The following TFG variants were observed in gnomAD, a reference collection of about 807,000 sequenced individuals.
TFG encodes the protein protein TFG.
Under a neutral mutation model 51.4 loss-of-function variants are expected in TFG, and 22 were observed. The observed-to-expected ratio is 0.43, with a 90% CI of 0.31 to 0.61. The LOEUF (loss-of-function observed/expected upper bound fraction) is 0.61. Ranked by LOEUF, TFG falls within the 20% of genes least tolerant of loss-of-function variation. The probability of loss-of-function intolerance (pLI) is 0.12; values close to 1 mark genes in which losing one functional copy is unlikely to be tolerated. For missense variants in TFG, 419 were observed against 487.7 expected (o/e 0.86, Z 1.33); for synonymous variants, 187 against 165.6 (o/e 1.13, Z -0.99).
intron 7 of TFG, among the ~76,000 whole-genome samples, chr3:100,745,286 T>A (rs996370420): frequency 1.3e-5 from 2 of 152,196 alleles, no homozygotes; most frequent in Non-Finnish European, 2.9e-5. Flanking sequence ...TAACACGTAA[T>A]TCCAGTGTAC....
chr3:100,718,903 G>C (rs1268291881), intron 2 of TFG, among the ~76,000 whole-genome samples: 5 of 152,138 alleles, frequency 3.3e-5, no homozygotes, highest in Non-Finnish European at 7.4e-5. Context: ...GATTCTGTTA[G>C]TAGAGTGGAG....
At chr3:100,728,277 ATTATT>A (rs1183771355) in intron 3 of TFG, among the ~76,000 whole-genome samples, 8 of 151,912 alleles carry the variant, frequency 5.3e-5, no homozygotes, top group Non-Finnish European at 1.2e-4. Context: ...GTATTTTTGT[ATTATT>A]TTAAGAATAG....
Position 100,719,980 on chromosome 3 carries a change from G to T in TFG, c.190G>T (p.Asp64Tyr). 1 of 1,536,986 alleles carries T rather than the reference G, an allele frequency of 6.5e-7. No individual in the cohort carries two copies. ...VTIKYKDEDG[D>Y]LITIFDSSDL... ...TTTTTTTTTTTAAATTCCAGATGGA[G>T]ATCTTATAACAATTTTTGATAGTTC... The change falls in exon 3 of 8, where the codon GAT (aspartate) becomes TAT (tyrosine). Residue 64 changes from aspartate to tyrosine, a missense_variant. Around this residue, in one of 3 missense-constraint regions of TFG, gnomAD observed 391 missense variants for 434.4 expected, o/e 0.90. Coordinates refer to ENST00000240851, the MANE Select transcript of TFG (RefSeq NM_006070.6).
chr3:100,747,078 A>G (rs2095136814), intron 7 of TFG, among the ~76,000 whole-genome samples: 1 of 152,180 alleles, frequency 6.6e-6, no homozygotes, highest in Non-Finnish European at 1.5e-5. Context: ...GTCTTTTCAA[A>G]TTATTATCTT....
At chr3:100,717,378 ACTGT>A (rs1396132298) in intron 2 of TFG, among the ~76,000 whole-genome samples, 2 of 151,952 alleles carry the variant, frequency 1.3e-5, no homozygotes, top group South Asian at 2.1e-4. Flanking sequence ...TATTGCTTTG[ACTGT>A]CTGGGGTTGT....
At chr3:100,717,001 CTT>C (rs1285618170) in intron 2 of TFG, among the ~76,000 whole-genome samples, 3 of 152,102 alleles carry the variant, frequency 2.0e-5, no homozygotes, top group Admixed American at 1.3e-4. Flanking sequence ...TCTTTTCACT[CTT>C]GATTGTTTCC....
intron 6 of TFG, among the ~76,000 whole-genome samples, chr3:100,737,915 C>T (rs1198552740): frequency 6.6e-6 from 1 of 152,072 alleles, no homozygotes; most frequent in African/African-American, 2.4e-5. Flanking sequence ...AAAAATTAGC[C>T]AGGTGCTATG....
At chr3:100,741,222 T>A (rs1049817529) in intron 6 of TFG, among the ~76,000 whole-genome samples, 9 of 152,142 alleles carry the variant, frequency 5.9e-5, no homozygotes, top group African/African-American at 2.2e-4. Context: ...CAGAAGGTAT[T>A]CCGGAAGAAG....
In TFG at chr3:100,720,078, A is replaced by T. The variant is rs755835566; in HGVS notation, c.268+20A>T. On this transcript the variant is annotated intron_variant, in intron 3 of 7. Transcript: ENST00000240851. ...TATTTGGTGAGTAGTAAACTTTCTA[A>T]TGAATTTACTATTTTATTCATTGTA... is the stretch of plus-strand genomic sequence containing the variant. 1.6e-5 allele frequency: 22 copies of T among 1,410,288 alleles called. No homozygotes were observed. Among genetic ancestry groups the T allele is most frequent in the Non-Finnish European group, 2.0e-5 (21 of 1,033,370 alleles). The allele number at this position is 1,410,288 out of a possible 1,614,324, so 87.4% of individuals were successfully genotyped here. A position where few individuals can be genotyped will look rare whatever the true frequency, so the allele number is the denominator to read the frequency against.
intron 2 of TFG, 57 bp downstream of exon 2, chr3:100,713,926 AC>A: frequency 8.8e-7 from 1 of 1,140,044 alleles, no homozygotes; most frequent in Non-Finnish European, 1.2e-6. Context: ...AAAAAAAAAG[AC>A]AGAGCCTCTG....
intron 7 of TFG, among the ~76,000 whole-genome samples, chr3:100,747,769 G>A (rs931225698): frequency 6.6e-6 from 1 of 152,088 alleles, no homozygotes; most frequent in Non-Finnish European, 1.5e-5. Context: ...TTCATTCTCC[G>A]CAATGTGTTT....
At chr3:100,721,728 A>C (rs1020900462) in intron 3 of TFG, among the ~76,000 whole-genome samples, 2 of 152,246 alleles carry the variant, frequency 1.3e-5, no homozygotes, top group Admixed American at 1.3e-4. Flanking sequence ...CGTAAGACAC[A>C]TGAAGCTGTC....
chr3:100,712,806 A>C (rs2095034742), intron 1 of TFG, among the ~76,000 whole-genome samples: 1 of 152,224 alleles, frequency 6.6e-6, no homozygotes, highest in Non-Finnish European at 1.5e-5. Flanking sequence ...AGCCATTTTA[A>C]ATTAGATGGT....
At position 100,725,923 on chromosome 3, in the gene TFG, G is replaced by A. The variant is rs77872365; in HGVS notation, c.269-2789G>A. Reference sequence around the variant, plus strand: ...CACTAATGAAGATACATTATTATGTGTGCTAGGGTTCTCCAGAGGGATGGA... The same window carrying A: ...CACTAATGAAGATACATTATTATGTATGCTAGGGTTCTCCAGAGGGATGGA... On this transcript the variant is annotated intron_variant, in intron 3 of 7. Coordinates refer to ENST00000240851, the MANE Select transcript of TFG (RefSeq NM_006070.6). 3.5e-4 allele frequency among the ~76,000 whole-genome samples: 54 copies of A among 152,330 alleles called. No individual in the cohort carries two copies. In the East Asian group the frequency reaches 9.6e-3, roughly 27 times the overall value.
intron 5 of TFG, among the ~76,000 whole-genome samples, chr3:100,734,924 C>T (rs1489533667): frequency 6.6e-6 from 1 of 152,030 alleles, no homozygotes; most frequent in African/African-American, 2.4e-5. Flanking sequence ...TTTTGTAGTT[C>T]TTCAGGTGTG....
rs114259024 is a variant in TFG, at chr3:100,715,311, G to T, written c.184+1442G>T. On this transcript the variant is annotated intron_variant, in intron 2 of 7. Transcript: ENST00000240851. ...CCATAGGCATTGACATTGGCAAGCA[G>T]ATGAGTGAAGACAGAGTATGAAGAA... Among the ~76,000 whole-genome samples, 1,219 of 152,314 alleles carry T rather than the reference G, an allele frequency of 8.0e-3. 10 individuals are homozygous for T. The highest frequency in any genetic ancestry group is 0.028 in the African/African-American group (1,144 of 41,558).
At chr3:100,745,552 G>T (rs544663798) in intron 7 of TFG, among the ~76,000 whole-genome samples, 1 of 152,114 alleles carries the variant, frequency 6.6e-6, no homozygotes, top group Non-Finnish European at 1.5e-5. Context: ...ATGTATTTAA[G>T]TATGATAAAT....
rs930772315 is a variant in TFG at position 100,718,564 on chromosome 3, T to G, written c.185-1411T>G. On this transcript the variant is annotated intron_variant, in intron 2 of 7. Transcript: ENST00000240851. ...GTATTTCATGGTTTTTTTTTTTTTT[T>G]TTTTTTTTTTTGAGACAAAGTCTTG... 7.0e-5 allele frequency among the ~76,000 whole-genome samples: 10 copies of G among 143,850 alleles called. No homozygotes were observed. In the South Asian group the frequency reaches 9.2e-4, roughly 13 times the overall value. The allele number at this position is 143,850 out of a possible 152,430, so 94.4% of individuals were successfully genotyped here.
intron 5 of TFG, among the ~76,000 whole-genome samples, chr3:100,732,922 A>C (rs937452159): frequency 6.6e-6 from 1 of 152,170 alleles, no homozygotes; most frequent in Non-Finnish European, 1.5e-5. Context: ...CTCCCCCTTA[A>C]AGAATAAGCA....
Sources: gnomAD v4.1 joint callset for allele counts (sites outside exome capture counted in the v4.1 genomes callset) on GRCh38, gnomAD v4.1.1 for gene constraint, gnomAD v4.1.1 regional missense constraint, MANE v1.5 for transcripts, NCBI Gene and HGNC (gene_info 2026-07-23, HGNC 2026-07-21) for gene names.